Variants in DMD observed in about 807,000 individuals in gnomAD.
DMD encodes mutant dystrophin.
Under a neutral mutation model 330.1 loss-of-function variants are expected in DMD, and 63 were observed. That is an observed-to-expected ratio of 0.19 (90% confidence interval 0.16 to 0.24). The LOEUF (loss-of-function observed/expected upper bound fraction) is 0.24, where lower values mean the gene tolerates loss of function less well. DMD is among the 10% of genes least tolerant of loss of function. The pLI, the probability that DMD is intolerant of heterozygous loss-of-function variation, is 1.00. For synonymous variants in DMD, 1,223 were observed against 959.8 expected (o/e 1.27, Z -5.07); for missense variants, 3,344 against 2,684.1 (o/e 1.25, Z -5.43).
intron 48 of DMD, among the ~76,000 whole-genome samples, chrX:31,840,141 C>A (rs1011835511): frequency 1.5e-4 from 17 of 111,684 alleles, no homozygotes; most frequent in Non-Finnish European, 2.8e-4. Flanking sequence ...GTATTTGATA[C>A]ATTTGATCTA....
rs1649487976 is a variant in DMD at position 31,349,236 on chromosome X, G to A, written c.9085-602C>T. ...TTGGCTGGATCACTTGAGGTCATAA[G>A]TTCGAGGCCAGCCTGGCCAACATGG... On this transcript the variant is annotated intron_variant, in intron 60 of 78. Transcript: ENST00000357033. Among the ~76,000 whole-genome samples the A allele has an allele frequency of 3.6e-5, 4 of 112,410 alleles. No individual in the cohort carries two copies. In the South Asian group the frequency reaches 1.5e-3, roughly 41 times the overall value.
chrX:31,767,253 C>A (rs1189160186), intron 51 of DMD, among the ~76,000 whole-genome samples: 1 of 111,558 alleles, frequency 9.0e-6, no homozygotes, highest in East Asian at 2.8e-4. Flanking sequence ...ATGAGAAGGG[C>A]TGGATTGTTG....
At chrX:33,213,370 A>G (rs192460988), upstream of DMD, among the ~76,000 whole-genome samples, 107 of 111,943 alleles carry the variant, frequency 9.6e-4, no homozygotes, top group African/African-American at 3.4e-3. Flanking sequence ...TGGAATGCAT[A>G]TACTTCCCTT....
intron 29 of DMD, among the ~76,000 whole-genome samples, chrX:32,420,143 C>T (rs1271827465): frequency 1.8e-5 from 2 of 111,850 alleles, no homozygotes; most frequent in Non-Finnish European, 3.8e-5. Context: ...GAAATTTTTC[C>T]GGCCCAATGG....
rs1557206016 is a variant in DMD, at chrX:32,197,000, A to AAAAC, written c.6438+19915_6438+19916insGTTT. Among the ~76,000 whole-genome samples, 242 of 93,913 alleles carry AAAAC rather than the reference A, an allele frequency of 2.6e-3. 1 individual carries two copies. The highest frequency in any genetic ancestry group is 3.0e-3 in the Non-Finnish European group (143 of 47,878). The allele number at this position is 93,913 out of a possible 115,157, so 81.6% of individuals were successfully genotyped here. ...AGACTCCATCTCAAAAAAAAAAAAA[A>AAAAC]AAAAACAAAAACAAAAGAAAAAACA... On this transcript the variant is annotated intron_variant, in intron 44 of 78. Coordinates refer to ENST00000357033, the MANE Select transcript of DMD (RefSeq NM_004006.3).
Position 31,845,423 on chromosome X carries a change from CT to C in DMD, c.7099-8605del, listed in dbSNP as rs1218392383. Among the ~76,000 whole-genome samples the C allele has an allele frequency of 9.5e-4, 94 of 99,323 alleles. 2 individuals are homozygous for C. The highest frequency in any genetic ancestry group is 0.01 in the Middle Eastern group (2 of 199). 86.3% of individuals were successfully genotyped at this position (99,323 alleles called of 115,157 possible). A position where few individuals can be genotyped will look rare whatever the true frequency, so the allele number is the denominator to read the frequency against. The stretch of plus-strand genomic sequence containing the variant: ...TCTCTCTCTCTCTCTCTCTCTCTCT[CT>C]CCCTCTCCTCCCGTCCCTCTCTTTC... On this transcript the variant is annotated intron_variant, in intron 48 of 78. Transcript: ENST00000357033.
At chrX:31,705,760 C>G (rs1417496866) in intron 52 of DMD, among the ~76,000 whole-genome samples, 1 of 111,695 alleles carries the variant, frequency 9.0e-6, no homozygotes, top group Admixed American at 9.5e-5. Flanking sequence ...ATAATTATCC[C>G]TCATGATGAA....
At chrX:31,982,936 T>G (rs756743655) in intron 44 of DMD, among the ~76,000 whole-genome samples, 1 of 84,482 alleles carries the variant, frequency 1.2e-5, no homozygotes, top group African/African-American at 3.6e-5. Flanking sequence ...GTAACATTAT[T>G]CAGCTCCTCT....
chrX:31,766,450 G>T (rs1220004949), intron 51 of DMD, among the ~76,000 whole-genome samples: 2 of 111,614 alleles, frequency 1.8e-5, no homozygotes, highest in Admixed American at 9.5e-5. Context: ...TAGAGACGGG[G>T]TTTCTCCATG....
intron 48 of DMD, among the ~76,000 whole-genome samples, chrX:31,845,388 T>TCTCTCTCTCC (rs1237663874): frequency 0.014 from 603 of 44,441 alleles, 4 homozygotes; most frequent in Non-Finnish European, 0.019. Flanking sequence ...TCTCTCTCTC[T>TCTCTCTCTCC]CTCTCTCTCT....
At chrX:31,341,617 T>C (rs1303713374) in intron 61 of DMD, among the ~76,000 whole-genome samples, 1 of 111,289 alleles carries the variant, frequency 9.0e-6, no homozygotes, top group Non-Finnish European at 1.9e-5. Context: ...CAATAGCAGA[T>C]AGACTAGACA....
intron 42 of DMD, among the ~76,000 whole-genome samples, chrX:32,306,822 G>A (rs1190663257): frequency 9.0e-6 from 1 of 110,934 alleles, no homozygotes; most frequent in African/African-American, 3.3e-5. Flanking sequence ...ATGTTCTTCA[G>A]GTGAAGACAT....
intron 7 of DMD, among the ~76,000 whole-genome samples, chrX:32,704,250 A>G (rs7884929): frequency 0.079 from 8,226 of 104,496 alleles, 884 homozygotes; most frequent in African/African-American, 0.31. Context: ...CCTTAACCTC[A>G]TTCTCTCAGA....
chrX:33,324,548 C>G (rs1339902582), intron 1 of DMD, among the ~76,000 whole-genome samples: 1 of 111,433 alleles, frequency 9.0e-6, no homozygotes, highest in African/African-American at 3.3e-5. Flanking sequence ...CTCCTTCAAT[C>G]AATTAAAAAT....
intron 1 of DMD, among the ~76,000 whole-genome samples, chrX:33,329,088 A>C (rs1411836172): frequency 8.9e-6 from 1 of 112,061 alleles, no homozygotes; most frequent in Non-Finnish European, 1.9e-5. Context: ...TACTTTCTTT[A>C]ATCTACAAAG....
chrX:33,001,393 C>T (rs988363142), intron 2 of DMD, among the ~76,000 whole-genome samples: 6 of 111,931 alleles, frequency 5.4e-5, no homozygotes, highest in Non-Finnish European at 9.4e-5. Flanking sequence ...CAGGGACACA[C>T]AGCTTTAGGA....
intron 42 of DMD, among the ~76,000 whole-genome samples, chrX:32,296,504 T>C (rs1353112634): frequency 8.9e-6 from 1 of 111,884 alleles, no homozygotes; most frequent in Non-Finnish European, 1.9e-5. Context: ...AGGATGTCTA[T>C]AATTTACAAG....
At chrX:31,196,101 G>A (rs766141850) in intron 67 of DMD, among the ~76,000 whole-genome samples, 2 of 111,408 alleles carry the variant, frequency 1.8e-5, no homozygotes, top group South Asian at 3.9e-4. Context: ...CTTAACCCAC[G>A]GTAGCTTAAA....
At chrX:31,231,892 T>A (rs747202955) in intron 63 of DMD, among the ~76,000 whole-genome samples, 17 of 110,230 alleles carry the variant, frequency 1.5e-4, no homozygotes, top group Admixed American at 3.9e-4. Flanking sequence ...TCAAACAAAC[T>A]AACAAACAAA....
Sources: allele counts gnomAD v4.1 joint callset (sites outside exome capture counted in the v4.1 genomes callset), GRCh38; gene constraint gnomAD v4.1.1; transcripts MANE v1.5; gene names NCBI Gene and HGNC (gene_info 2026-07-23, HGNC 2026-07-21).